PRKN: variants seen among roughly 807,000 people sequenced by gnomAD.
The protein encoded by PRKN is E3 ubiquitin-protein ligase parkin.
In PRKN, 56 loss-of-function variants were observed where a neutral mutation model predicts 59.5. The ratio of observed to expected loss-of-function variants is 0.94; its 90% CI spans 0.76 to 1.18. PRKN has a LOEUF of 1.18. Ranked by LOEUF, PRKN falls within the 50% of genes most tolerant of loss-of-function variation. The pLI is 0.00. For synonymous variants in PRKN, 250 were observed against 222.1 expected (o/e 1.13, Z -1.12); for missense variants, 657 against 596.4 (o/e 1.10, Z -1.06).
chr6:162,119,814 G>A (rs1483627070), intron 4 of PRKN, among the ~76,000 whole-genome samples: 1 of 152,106 alleles, frequency 6.6e-6, no homozygotes, highest in Non-Finnish European at 1.5e-5. Context: ...CTATTTAGAT[G>A]ACTCCAGTCT....
In PRKN at chr6:162,011,516, A is replaced by T. The variant is rs532556224; in HGVS notation, c.619-38099T>A. On this transcript the variant is annotated intron_variant, in intron 5 of 11. Coordinates refer to ENST00000366898, the MANE Select transcript of PRKN (RefSeq NM_004562.3). Reference sequence around the variant, plus strand: ...TATAATATATATTTATTATATATATATTATATATATATATAAAACTTTCCA... The same window carrying T: ...TATAATATATATTTATTATATATATTTTATATATATATATAAAACTTTCCA... Among the ~76,000 whole-genome samples, 12 of 98,984 alleles carry T rather than the reference A, an allele frequency of 1.2e-4. 1 individual carries two copies. In the South Asian group the frequency reaches 1.6e-3, roughly 13 times the overall value. 64.9% of individuals were successfully genotyped at this position (98,984 alleles called of 152,430 possible).
intron 1 of PRKN, among the ~76,000 whole-genome samples, chr6:162,634,759 G>A (rs1235800983): frequency 6.6e-6 from 1 of 152,084 alleles, no homozygotes; most frequent in African/African-American, 2.4e-5. Context: ...AAGTAGCTGG[G>A]ACTAAAGGCA....
intron 6 of PRKN, among the ~76,000 whole-genome samples, chr6:161,873,644 A>G (rs1455857125): frequency 2.6e-5 from 4 of 151,676 alleles, no homozygotes; most frequent in African/African-American, 9.7e-5. Context: ...ACAACAACAA[A>G]ACAAGTCTGC....
chr6:161,853,241 T>C (rs375100308), intron 6 of PRKN, among the ~76,000 whole-genome samples: 2 of 152,234 alleles, frequency 1.3e-5, no homozygotes, highest in South Asian at 4.1e-4. Context: ...CTTTCTTATA[T>C]GTATCTCAGT....
intron 7 of PRKN, among the ~76,000 whole-genome samples, chr6:161,591,932 G>T (rs1396798846): frequency 1.3e-5 from 2 of 151,726 alleles, no homozygotes; most frequent in Non-Finnish European, 2.9e-5. Context: ...GTTGTCCCTT[G>T]GCGTCCAAGG....
intron 3 of PRKN, among the ~76,000 whole-genome samples, chr6:162,218,127 T>C (rs1388439479): frequency 2.0e-5 from 3 of 152,184 alleles, no homozygotes; most frequent in Non-Finnish European, 2.9e-5. Flanking sequence ...CCACAGTTCA[T>C]AAACTTTAGA....
intron 5 of PRKN, among the ~76,000 whole-genome samples, chr6:162,050,944 C>T (rs189860925): frequency 5.3e-5 from 8 of 152,150 alleles, no homozygotes; most frequent in East Asian, 1.9e-4. Flanking sequence ...ACATGGTGTT[C>T]GGAAAGGCCT....
intron 1 of PRKN, among the ~76,000 whole-genome samples, chr6:162,614,886 A>C (rs1301964030): frequency 6.6e-6 from 1 of 152,198 alleles, no homozygotes; most frequent in East Asian, 1.9e-4. Flanking sequence ...AATGCTCCAC[A>C]CTGTAAATAA....
intron 3 of PRKN, among the ~76,000 whole-genome samples, chr6:162,233,746 G>A (rs1487137013): frequency 3.9e-5 from 6 of 152,146 alleles, no homozygotes; most frequent in Non-Finnish European, 7.3e-5. Flanking sequence ...TGGGGCATTT[G>A]GGAGGTAACT....
intron 1 of PRKN, among the ~76,000 whole-genome samples, chr6:162,633,216 T>A (rs1777579875): frequency 6.6e-6 from 1 of 151,288 alleles, no homozygotes; most frequent in African/African-American, 2.4e-5. Context: ...GGTGGATAAC[T>A]TGAGGTAAGG....
chr6:161,781,368 G>A (rs755856955), intron 7 of PRKN, among the ~76,000 whole-genome samples: 7 of 152,114 alleles, frequency 4.6e-5, no homozygotes, highest in African/African-American at 7.2e-5. Flanking sequence ...ACTTTGCAAC[G>A]CAACATCTTT....
intron 4 of PRKN, among the ~76,000 whole-genome samples, chr6:162,095,243 G>T (rs931989552): frequency 9.2e-5 from 14 of 152,164 alleles, no homozygotes; most frequent in Non-Finnish European, 1.6e-4. Flanking sequence ...TCACAAATAT[G>T]CCACTACAGA....
In PRKN at chr6:161,472,871, T is replaced by C. The variant is rs1790862592; in HGVS notation, c.1083+75983A>G. Among the ~76,000 whole-genome samples, 3 of 152,060 alleles carry C rather than the reference T, an allele frequency of 2.0e-5. No homozygotes were observed. In the South Asian group the frequency reaches 6.2e-4, roughly 32 times the overall value. Reference sequence around the variant, plus strand: ...TGAATAGACATTTCTCCAAAAAAGATATAAAAATGGCCAACAGGCATACGA... The same window carrying C: ...TGAATAGACATTTCTCCAAAAAAGACATAAAAATGGCCAACAGGCATACGA... On this transcript the variant is annotated intron_variant, in intron 9 of 11. Coordinates refer to ENST00000366898, the MANE Select transcript of PRKN (RefSeq NM_004562.3).
At chr6:161,657,461 G>C (rs1784390723) in intron 7 of PRKN, among the ~76,000 whole-genome samples, 1 of 152,150 alleles carries the variant, frequency 6.6e-6, no homozygotes, top group Non-Finnish European at 1.5e-5. Flanking sequence ...TGTGTGAGTG[G>C]CCTCTCCACC....
rs1443043476 is a variant in PRKN, at chr6:161,904,317, T to TG, written c.734+68984_734+68985insC. Among the ~76,000 whole-genome samples, 3 of 136,932 alleles carry TG rather than the reference T, an allele frequency of 2.2e-5. No homozygotes were observed. The East Asian group carries it at 6.2e-4, about 28-fold the overall frequency. The allele number at this position is 136,932 out of a possible 152,430, so 89.8% of individuals were successfully genotyped here. On this transcript the variant is annotated intron_variant, in intron 6 of 11. Transcript: ENST00000366898. ...GTTTTCGAATTTGTGGGGTTTTTTT[T>TG]TTTTTTTTTTTTTTTTGAGACAGAG...
chr6:162,305,913 C>A (rs1782201158), intron 2 of PRKN, among the ~76,000 whole-genome samples: 1 of 151,950 alleles, frequency 6.6e-6, no homozygotes, highest in South Asian at 2.1e-4. Flanking sequence ...ATGTTAATGT[C>A]ATGTTAATGA....
chr6:162,684,309 A>T (rs1325974636), intron 1 of PRKN, among the ~76,000 whole-genome samples: 3 of 152,048 alleles, frequency 2.0e-5, no homozygotes, highest in Non-Finnish European at 4.4e-5. Flanking sequence ...AGCCAGGAAA[A>T]TCAAGGCAGC....
At chr6:161,749,095 T>A (rs867579844) in intron 7 of PRKN, among the ~76,000 whole-genome samples, 3 of 152,104 alleles carry the variant, frequency 2.0e-5, no homozygotes. Context: ...TAGTAAGGAT[T>A]CAGGGCCGGG....
intron 7 of PRKN, among the ~76,000 whole-genome samples, chr6:161,701,579 C>CATT (rs1786252202): frequency 6.6e-6 from 1 of 152,120 alleles, no homozygotes; most frequent in Non-Finnish European, 1.5e-5. Context: ...AATAATAAAT[C>CATT]ATTGAACCAT....
Sources: allele counts gnomAD v4.1 joint callset (sites outside exome capture counted in the v4.1 genomes callset), GRCh38; gene constraint gnomAD v4.1.1; transcripts MANE v1.5; gene names NCBI Gene and HGNC (gene_info 2026-07-23, HGNC 2026-07-21).